Variants in PLRG1 observed in about 807,000 individuals in gnomAD.
PLRG1 encodes pleiotropic regulator 1 (PRL1 homolog, Arabidopsis).
PLRG1 carries 28 observed loss-of-function variants against 74.9 expected under a neutral mutation model. The ratio of observed to expected loss-of-function variants is 0.37; its 90% CI spans 0.28 to 0.51. PLRG1 has a LOEUF of 0.51. Among genes scored for constraint, PLRG1 ranks in the 20% least tolerant of loss-of-function variants. The pLI, the probability that PLRG1 is intolerant of heterozygous loss-of-function variation, is 0.91. For missense variants in PLRG1, 445 were observed against 631.9 expected, an observed-to-expected ratio of 0.70 and a Z score of 3.17; for synonymous variants, 197 against 212.4, an observed-to-expected ratio of 0.93 and a Z score of 0.63.
Position 154,547,563 on chromosome 4 carries a change from T to C in PLRG1, c.259+148A>G, listed in dbSNP as rs1277135933. The stretch of plus-strand genomic sequence containing the variant: ...GTCATCAACAGTATTCCCATGAGGA[T>C]CAAAACTTCCATTATAATACAGGTA... On this transcript the variant is annotated intron_variant, in intron 3 of 14. Coordinates refer to ENST00000499023, the MANE Select transcript of PLRG1 (RefSeq NM_002669.4). The C allele has an allele frequency of 4.3e-6, 3 of 695,414 alleles. No individual in the cohort carries two copies. The South Asian group carries it at 5.3e-5, about 12-fold the overall frequency. The allele number at this position is 695,414 out of a possible 1,614,324, so 43.1% of individuals were successfully genotyped here. A position where few individuals can be genotyped will look rare whatever the true frequency, so the allele number is the denominator to read the frequency against.
chr4:154,542,155 G>T (rs746217255), intron 8 of PLRG1, 32 bp downstream of exon 8: 1 of 1,280,300 alleles, frequency 7.8e-7, no homozygotes, highest in Non-Finnish European at 1.1e-6. Flanking sequence ...CAAACACAAA[G>T]TCATGTTTAT....
intron 13 of PLRG1, 42 bp downstream of exon 13, chr4:154,537,927 A>G: frequency 8.6e-7 from 1 of 1,164,792 alleles, no homozygotes; most frequent in South Asian, 1.8e-5. Context: ...TAAAAGAAAA[A>G]ATAACAGACT....
intron 8 of PLRG1, 68 bp from the exon 9 acceptor site, chr4:154,541,002 T>G: frequency 8.7e-7 from 1 of 1,154,460 alleles, no homozygotes; most frequent in Non-Finnish European, 1.2e-6. Flanking sequence ...AGAAACCTGA[T>G]TATTAAAACT....
intron 3 of PLRG1, 89 bp from the exon 4 acceptor site, chr4:154,547,153 TTCAACTGG>T: frequency 1.1e-6 from 1 of 929,606 alleles, no homozygotes; most frequent in South Asian, 1.4e-5. Context: ...ATATTAAGTT[TTCAACTGG>T]ATCTATCAAA....
At position 154,545,797 on chromosome 4, in the gene PLRG1, A is replaced by C. The variant is rs767803006; in HGVS notation, c.492+39T>G. 25 of 1,254,188 alleles carry C rather than the reference A, an allele frequency of 2.0e-5. No homozygotes were observed. In the African/African-American group the frequency reaches 3.6e-4, roughly 18 times the overall value. The allele number at this position is 1,254,188 out of a possible 1,614,324, so 77.7% of individuals were successfully genotyped here. ...AGAGGGAAATATGGCAACATGTTCC[A>C]AAAGTTAGAAACCTGCTATTTGATG... On this transcript the variant is annotated intron_variant, in intron 6 of 14. Transcript: ENST00000499023.
chr4:154,544,583 T>C (rs1729614757), intron 6 of PLRG1, 37 bp from the exon 7 acceptor site: 1 of 1,144,666 alleles, frequency 8.7e-7, no homozygotes, highest in Non-Finnish European at 1.3e-6. Context: ...ATTAAAGACA[T>C]CATACCTAAG....
At position 154,536,533 on chromosome 4, in the gene PLRG1, G is replaced by A. The variant is rs1729453904; in HGVS notation, c.*152C>T. The A allele has an allele frequency of 9.5e-6, 6 of 628,760 alleles. No individual in the cohort carries two copies. In the South Asian group the frequency reaches 1.1e-4, roughly 11 times the overall value. 38.9% of individuals were successfully genotyped at this position (628,760 alleles called of 1,614,324 possible). On this transcript the variant is annotated 3_prime_UTR_variant, in exon 15 of 15. Coordinates refer to ENST00000499023, the MANE Select transcript of PLRG1 (RefSeq NM_002669.4). ...GGTAGGGGACAGGGGACAGTTTATTGTAAAATATGAAGCAGCAATGATTGA... is the reference window on the plus strand; with the variant it reads ...GGTAGGGGACAGGGGACAGTTTATTATAAAATATGAAGCAGCAATGATTGA...
chr4:154,550,204 C>G, intron 1 of PLRG1, 96 bp downstream of exon 1: 1 of 1,135,728 alleles, frequency 8.8e-7, no homozygotes, highest in Admixed American at 1.7e-5. Flanking sequence ...AGCCTCTTTT[C>G]TCTCTGGACT....
In PLRG1 at chr4:154,538,029, C is replaced by T. The variant is rs745906950; in HGVS notation, c.1231G>A (p.Gly411Ser). 5 of 1,556,038 alleles carry T rather than the reference C, an allele frequency of 3.2e-6. No homozygotes were observed. Among genetic ancestry groups the T allele is most frequent in the East Asian group, 2.3e-5 (1 of 44,204 alleles). Residue 411 changes from glycine to serine, a missense_variant, in exon 13 of 15, where the codon GGT becomes AGT. Gly to Ser is a moderately conservative substitution (Grantham distance 56). Transcript: ENST00000499023. ...PDGSFIQNLSGHNAIINTLTV... is the reference protein window; with the variant it reads ...PDGSFIQNLSSHNAIINTLTV... Reference sequence around the variant, plus strand: ...AATGTGTTAATAATAGCATTATGACCGGAAAGATTTTGAATGAAACTTCCA... The same window carrying T: ...AATGTGTTAATAATAGCATTATGACTGGAAAGATTTTGAATGAAACTTCCA...
chr4:154,549,164 CAATA>C lies in PLRG1; in HGVS notation c.10-233_10-230del, dbSNP rs1003868034. ...GAGTGATGCCGGAGTTTAACTTACT[CAATA>C]AATATTTACTGAGCTCCTACTGTGT... On this transcript the variant is annotated intron_variant, in intron 1 of 14. Transcript: ENST00000499023. The C allele has an allele frequency of 1.0e-5, 5 of 499,724 alleles. No individual in the cohort carries two copies. In the African/African-American group the frequency reaches 1.3e-4, roughly 13 times the overall value. 31.0% of individuals were successfully genotyped at this position (499,724 alleles called of 1,614,324 possible).
rs1416295905 is a variant in PLRG1 at position 154,542,233 on chromosome 4, G to C, written c.641C>G (p.Pro214Arg). 1.2e-6 allele frequency: 2 copies of C among 1,612,950 alleles called. No individual in the cohort carries two copies. The highest frequency in any genetic ancestry group is 1.7e-6 in the Non-Finnish European group (2 of 1,179,048). Residue 214 changes from proline (P) to arginine (R), a missense_variant, in exon 8 of 15, where the codon CCT (proline) becomes CGT (arginine). By Grantham distance (103) the Pro-to-Arg change is moderately radical (BLOSUM62 -2). Transcript: ENST00000499023. ...LGWVRCIAVE[P>R]GNQWFVTGSA... Reference sequence around the variant, plus strand: ...TCCAGTAACAAACCACTGATTTCCAGGTTCCACAGCAATACATCGAACCCA... The same window carrying C: ...TCCAGTAACAAACCACTGATTTCCACGTTCCACAGCAATACATCGAACCCA...
chr4:154,544,355 ACT>A, intron 7 of PLRG1, 88 bp downstream of exon 7: 1 of 773,208 alleles, frequency 1.3e-6, no homozygotes, highest in Non-Finnish European at 2.3e-6. Flanking sequence ...TTTCATATTC[ACT>A]CTTTTTCCTC....
intron 1 of PLRG1, chr4:154,549,620 G>A (rs1435672520): frequency 1.5e-5 from 7 of 453,922 alleles, no homozygotes; most frequent in South Asian, 1.1e-4. Flanking sequence ...TAGCAACATA[G>A]GGTCAGTAAA....
chr4:154,544,554 T>G lies in PLRG1; in HGVS notation c.493-8A>C. On this transcript the variant is annotated splice_polypyrimidine_tract_variant and splice_region_variant and intron_variant, in intron 6 of 14. Coordinates refer to ENST00000499023, the MANE Select transcript of PLRG1 (RefSeq NM_002669.4). Reference sequence around the variant, plus strand: ...GCCAGTCTCCATGACAATCTAGACATAGAAGAGACATTATTATTATTAAAG... The same window carrying G: ...GCCAGTCTCCATGACAATCTAGACAGAGAAGAGACATTATTATTATTAAAG... 6.8e-7 allele frequency: 1 copy of G among 1,470,458 alleles called. No homozygotes were observed. The allele number at this position is 1,470,458 out of a possible 1,614,324, so 91.1% of individuals were successfully genotyped here.
At chr4:154,538,223 T>A (rs750142167) in intron 12 of PLRG1, 115 bp from the exon 13 acceptor site, 5 of 472,030 alleles carry the variant, frequency 1.1e-5, no homozygotes, top group Non-Finnish European at 1.5e-5. Flanking sequence ...GATTTATATA[T>A]TCAGCAAAAT....
At chr4:154,544,943 T>A (rs946235947) in intron 6 of PLRG1, among the ~76,000 whole-genome samples, 1 of 152,242 alleles carries the variant, frequency 6.6e-6, no homozygotes, top group Non-Finnish European at 1.5e-5. Flanking sequence ...AGTGTATTAG[T>A]GCCACTGTCT....
Position 154,544,473 on chromosome 4 carries a change from T to C in PLRG1, c.566A>G (p.Gln189Arg), listed in dbSNP as rs764775610. ...GTAGAGTTTCCACGGTGGGTGCCAC[T>C]GGGGTTTTGGCATTGTAGGGGCTTT... Reference protein sequence around the residue: ...AKKAPTMPKPQWHPPWKLYRV... With the variant: ...AKKAPTMPKPRWHPPWKLYRV... Residue 189 changes from glutamine (Q) to arginine (R), a missense_variant, in exon 7 of 15, where the codon CAG becomes CGG. Transcript: ENST00000499023. The C allele has an allele frequency of 3.7e-6, 6 of 1,608,814 alleles. No homozygotes were observed. The South Asian group carries it at 4.4e-5, about 12-fold the overall frequency.
rs1023948315 is a variant in PLRG1 at position 154,540,146 on chromosome 4, C to A, written c.940-93G>T. ...TCAATTCAAGGCTGAAAATTTACTA[C>A]ATAACTAGTGCCTGAATATAATAAA... On this transcript the variant is annotated intron_variant, in intron 10 of 14. Coordinates refer to ENST00000499023, the MANE Select transcript of PLRG1 (RefSeq NM_002669.4). 8.2e-6 allele frequency: 6 copies of A among 730,976 alleles called. No homozygotes were observed. The African/African-American group carries it at 1.1e-4, about 13-fold the overall frequency. 45.3% of individuals were successfully genotyped at this position (730,976 alleles called of 1,614,324 possible).
At chr4:154,538,704 G>A (rs1371281199) in intron 12 of PLRG1, among the ~76,000 whole-genome samples, 1 of 152,002 alleles carries the variant, frequency 6.6e-6, no homozygotes, top group African/African-American at 2.4e-5. Flanking sequence ...TGACTGTAAT[G>A]TTCACGGTTC....
Sources: allele counts gnomAD v4.1 joint callset (sites outside exome capture counted in the v4.1 genomes callset), GRCh38; gene constraint gnomAD v4.1.1; transcripts MANE v1.5; gene names NCBI Gene and HGNC (gene_info 2026-07-23, HGNC 2026-07-21).